SNTG1: variants seen among roughly 807,000 people sequenced by gnomAD.
The protein encoded by SNTG1 is gamma-1-syntrophin.
In SNTG1, 39 loss-of-function variants were observed where a neutral mutation model predicts 74.7. The ratio of observed to expected loss-of-function variants is 0.52; its 90% CI spans 0.40 to 0.68. SNTG1 has a LOEUF of 0.68. SNTG1 is among the 30% of genes least tolerant of loss of function. SNTG1 has a pLI of 0.00. For synonymous variants in SNTG1, 254 were observed against 217.1 expected, an observed-to-expected ratio of 1.17 and a Z score of -1.49; for missense variants, 685 against 609.5, an observed-to-expected ratio of 1.12 and a Z score of -1.30.
intron 9 of SNTG1, among the ~76,000 whole-genome samples, chr8:50,512,171 A>G (rs963996302): frequency 2.0e-5 from 3 of 151,974 alleles, no homozygotes; most frequent in Non-Finnish European, 4.4e-5. Context: ...TCCTTCACTT[A>G]TGAAGCTTAG....
chr8:50,663,762 A>C lies in SNTG1; in HGVS notation c.1038+5099A>C, dbSNP rs540034904. ...CTGGAACTTATATTAAACCTTTTTC[A>C]TTCTTTTTTGAAATTAATATACACT... On this transcript the variant is annotated intron_variant, in intron 15 of 18. Coordinates refer to ENST00000642720, the MANE Select transcript of SNTG1 (RefSeq NM_018967.5). Among the ~76,000 whole-genome samples, 6 of 152,220 alleles carry C rather than the reference A, an allele frequency of 3.9e-5. No individual in the cohort carries two copies. In the East Asian group the frequency reaches 1.2e-3, roughly 29 times the overall value.
intron 11 of SNTG1, among the ~76,000 whole-genome samples, chr8:50,549,820 G>A (rs1053809840): frequency 7.2e-5 from 11 of 152,188 alleles, no homozygotes; most frequent in South Asian, 2.1e-4. Context: ...CAACCAAGCC[G>A]TTCCACTGTT....
chr8:50,300,216 G>A (rs181729454), intron 2 of SNTG1, among the ~76,000 whole-genome samples: 316 of 152,148 alleles, frequency 2.1e-3, no homozygotes, highest in Non-Finnish European at 3.5e-3. Flanking sequence ...AGAGTATTAC[G>A]AAACAGTTGT....
At chr8:50,056,311 T>G (rs1029395407) in intron 1 of SNTG1, among the ~76,000 whole-genome samples, 1 of 152,096 alleles carries the variant, frequency 6.6e-6, no homozygotes, top group African/African-American at 2.4e-5. Flanking sequence ...CAGAGGAGAT[T>G]TTGGACCTAG....
chr8:50,442,609 C>T (rs1259169094), intron 5 of SNTG1, among the ~76,000 whole-genome samples: 1 of 143,722 alleles, frequency 7.0e-6, no homozygotes, highest in Non-Finnish European at 1.5e-5. Flanking sequence ...TTTAATTTTC[C>T]TTTGTTAAAA....
At chr8:50,627,309 A>G (rs1036306716) in intron 13 of SNTG1, among the ~76,000 whole-genome samples, 1 of 152,202 alleles carries the variant, frequency 6.6e-6, no homozygotes, top group Admixed American at 6.5e-5. Flanking sequence ...ATAGATTATC[A>G]TAGATAATAA....
chr8:49,983,385 T>C (rs1000414692), intron 1 of SNTG1, among the ~76,000 whole-genome samples: 1 of 152,252 alleles, frequency 6.6e-6, no homozygotes, highest in African/African-American at 2.4e-5. Flanking sequence ...GCTTTATGTG[T>C]ATATATCATT....
intron 17 of SNTG1, among the ~76,000 whole-genome samples, chr8:50,712,683 T>G: frequency 6.6e-6 from 1 of 151,694 alleles, no homozygotes; most frequent in African/African-American, 2.4e-5. Context: ...GGCCCCAGTG[T>G]GTGATGTTTC....
chr8:50,465,878 C>A (rs1262242201), intron 8 of SNTG1, among the ~76,000 whole-genome samples: 1 of 152,130 alleles, frequency 6.6e-6, no homozygotes, highest in Admixed American at 6.5e-5. Flanking sequence ...TACTATTTGT[C>A]AATTATTATA....
Position 50,756,402 on chromosome 8 carries a change from C to T in SNTG1, c.1395+4291C>T, listed in dbSNP as rs533592946. 1.1e-4 allele frequency among the ~76,000 whole-genome samples: 16 copies of T among 151,864 alleles called. No homozygotes were observed. The South Asian group carries it at 3.3e-3, about 31-fold the overall frequency. The stretch of plus-strand genomic sequence containing the variant: ...AAATTATTGTCTTTTATAATTGGAG[C>T]TGTGTTCCATTTGGAATTAATTTTT... On this transcript the variant is annotated intron_variant, in intron 18 of 18. Coordinates refer to ENST00000642720, the MANE Select transcript of SNTG1 (RefSeq NM_018967.5).
rs149197233 is a variant in SNTG1, at chr8:50,559,305, A to G, written c.810+6126A>G. Among the ~76,000 whole-genome samples the G allele has an allele frequency of 1.2e-3, 177 of 152,328 alleles. 3 individuals carry two copies. The highest frequency in any genetic ancestry group is 9.2e-3 in the Admixed American group (141 of 15,298). On this transcript the variant is annotated intron_variant, in intron 12 of 18. Coordinates refer to ENST00000642720, the MANE Select transcript of SNTG1 (RefSeq NM_018967.5). Reference sequence around the variant, plus strand: ...AAAATATCCAAAGGAAGCAAATGTAATTAGTATTAAATTTTGTTATGTCAA... The same window carrying G: ...AAAATATCCAAAGGAAGCAAATGTAGTTAGTATTAAATTTTGTTATGTCAA...
rs992301820 is a variant in SNTG1, at chr8:50,313,928, A to G, written c.-27-80284A>G. On this transcript the variant is annotated intron_variant, in intron 2 of 18. Coordinates refer to ENST00000642720, the MANE Select transcript of SNTG1 (RefSeq NM_018967.5). ...TGAAATACAAGGATTGTTTTTCTAC[A>G]TAACTAGCTTGGCATTATCATGCTT... Among the ~76,000 whole-genome samples, 15 of 150,048 alleles carry G rather than the reference A, an allele frequency of 1.0e-4. 1 individual carries two copies. Among genetic ancestry groups the G allele is most frequent in the African/African-American group, 2.2e-4 (9 of 40,306 alleles).
intron 2 of SNTG1, among the ~76,000 whole-genome samples, chr8:50,341,757 C>T (rs933481962): frequency 1.3e-5 from 2 of 151,952 alleles, no homozygotes; most frequent in Non-Finnish European, 2.9e-5. Flanking sequence ...TTGTAGGTGA[C>T]AGTAGTCACC....
chr8:50,566,613 G>C (rs1312708684), intron 12 of SNTG1, among the ~76,000 whole-genome samples: 2 of 152,032 alleles, frequency 1.3e-5, no homozygotes, highest in East Asian at 3.8e-4. Context: ...CAAGCAACCA[G>C]TATTAAAAGG....
At chr8:50,758,555 G>A (rs918464128) in intron 18 of SNTG1, among the ~76,000 whole-genome samples, 3 of 151,966 alleles carry the variant, frequency 2.0e-5, no homozygotes, top group East Asian at 1.9e-4. Flanking sequence ...TCCCACTTAC[G>A]AGTGAGAACA....
chr8:50,047,447 C>G lies in SNTG1; in HGVS notation c.-102-125114C>G, dbSNP rs535236716. On this transcript the variant is annotated intron_variant, in intron 1 of 18. Transcript: ENST00000642720. ...ATATTTTTTCATATAAAAGAAGGCT[C>G]TATGTAAAATGTGAGAGATAAAAGT... Among the ~76,000 whole-genome samples, 4 of 152,088 alleles carry G rather than the reference C, an allele frequency of 2.6e-5. No homozygotes were observed. In the East Asian group the frequency reaches 7.7e-4, roughly 29 times the overall value.
At chr8:50,603,938 G>A (rs2094793542) in intron 13 of SNTG1, among the ~76,000 whole-genome samples, 1 of 152,180 alleles carries the variant, frequency 6.6e-6, no homozygotes. Context: ...AGAGCACTGA[G>A]TCTAGCTCAA....
At chr8:50,579,666 G>A (rs1443523573) in intron 12 of SNTG1, among the ~76,000 whole-genome samples, 1 of 152,110 alleles carries the variant, frequency 6.6e-6, no homozygotes, top group Non-Finnish European at 1.5e-5. Context: ...AAAAAAAGGG[G>A]GCCAATGCGC....
rs1269026903 is a variant in SNTG1 at position 49,911,731 on chromosome 8, G to A, written c.-603G>A. The A allele has an allele frequency of 6.6e-6, 1 of 152,234 alleles. No homozygotes were observed. Among genetic ancestry groups the A allele is most frequent in the South Asian group, 2.1e-4 (1 of 4,836 alleles). 9.4% of individuals were successfully genotyped at this position (152,234 alleles called of 1,614,324 possible). A position where few individuals can be genotyped will look rare whatever the true frequency, so the allele number is the denominator to read the frequency against. ...AGGGGATGGACAGCGTCTCCGGACTGAGCTGCAGCCACAGGGACGGAACTA... is the reference window on the plus strand; with the variant it reads ...AGGGGATGGACAGCGTCTCCGGACTAAGCTGCAGCCACAGGGACGGAACTA... On this transcript the variant is annotated 5_prime_UTR_variant, in exon 1 of 19. Coordinates refer to ENST00000642720, the MANE Select transcript of SNTG1 (RefSeq NM_018967.5).
Sources: allele counts gnomAD v4.1 joint callset (sites outside exome capture counted in the v4.1 genomes callset), GRCh38; gene constraint gnomAD v4.1.1; transcripts MANE v1.5; gene names NCBI Gene and HGNC (gene_info 2026-07-23, HGNC 2026-07-21).